Variants in RFPL1 observed in about 807,000 individuals in gnomAD.
The protein encoded by RFPL1 is ret finger protein like 1.
In RFPL1, 6 loss-of-function variants were observed where a neutral mutation model predicts 9.6. The ratio of observed to expected loss-of-function variants is 0.62; its 90% CI spans 0.34 to 1.23. RFPL1 has a LOEUF of 1.23. Ranked by LOEUF, RFPL1 falls within the 50% of genes most tolerant of loss-of-function variation. The pLI, the probability that RFPL1 is intolerant of heterozygous loss-of-function variation, is 0.03. For missense variants in RFPL1, 352 were observed against 398.4 expected, an observed-to-expected ratio of 0.88 and a Z score of 0.99; for synonymous variants, 145 against 149.4, an observed-to-expected ratio of 0.97 and a Z score of 0.22.
chr22:29,441,374 T>C (rs2062837931), intron 1 of RFPL1, 168 bp from the exon 2 acceptor site: 3 of 724,660 alleles, frequency 4.1e-6, no homozygotes, highest in African/African-American at 3.5e-5. Context: ...AGCATACCTA[T>C]GAGAATTTGA....
the RFPL1 span, among the ~76,000 whole-genome samples, chr22:29,425,124 G>A: frequency 0.14 from 20,607 of 148,788 alleles, 1,725 homozygotes; most frequent in South Asian, 0.18. Context: ...GAATGGCGTG[G>A]ACCCGGGAGG....
the RFPL1 span, among the ~76,000 whole-genome samples, chr22:29,389,015 C>CA: frequency 1.3e-5 from 2 of 152,284 alleles, no homozygotes; most frequent in East Asian, 3.9e-4. Context: ...CAGCTGGGAC[C>CA]ACAGGTGCGC....
chr22:29,392,032 T>C, the RFPL1 span, among the ~76,000 whole-genome samples: 1 of 152,174 alleles, frequency 6.6e-6, no homozygotes, highest in Non-Finnish European at 1.5e-5. Flanking sequence ...TCCTTTGGGT[T>C]GGAGGGACCA....
chr22:29,395,853 A>T, the RFPL1 span, among the ~76,000 whole-genome samples: 1 of 152,074 alleles, frequency 6.6e-6, no homozygotes, highest in Non-Finnish European at 1.5e-5. Context: ...AGTGCCTGTA[A>T]TCCCAACTAC....
At chr22:29,419,367 T>C in the RFPL1 span, 1 of 657,910 alleles carries the variant, frequency 1.5e-6, no homozygotes, top group Non-Finnish European at 2.7e-6. Flanking sequence ...AGACATCCTA[T>C]GCTGTTGGCT....
the RFPL1 span, chr22:29,423,099 A>G: frequency 2.2e-6 from 3 of 1,381,698 alleles, no homozygotes; most frequent in Non-Finnish European, 3.1e-6. Context: ...AGCGTAGGAC[A>G]AGGCCCATTA....
At chr22:29,425,979 T>G in the RFPL1 span, among the ~76,000 whole-genome samples, 2 of 152,138 alleles carry the variant, frequency 1.3e-5, no homozygotes, top group African/African-American at 4.8e-5. Flanking sequence ...ATGGAATATA[T>G]GGACTAATAG....
At chr22:29,421,199 C>G in the RFPL1 span, among the ~76,000 whole-genome samples, 1 of 152,132 alleles carries the variant, frequency 6.6e-6, no homozygotes, top group East Asian at 1.9e-4. Context: ...AAACCTGTTT[C>G]CTTGTCTCTT....
the RFPL1 span, among the ~76,000 whole-genome samples, chr22:29,397,521 A>G: frequency 6.6e-6 from 1 of 152,100 alleles, no homozygotes; most frequent in African/African-American, 2.4e-5. Flanking sequence ...AAGAAACTGC[A>G]GTTACCTGCC....
the RFPL1 span, among the ~76,000 whole-genome samples, chr22:29,391,047 C>G: frequency 6.6e-6 from 1 of 151,682 alleles, no homozygotes; most frequent in Non-Finnish European, 1.5e-5. Flanking sequence ...GAGGCTGAGG[C>G]AGGAGAATGG....
chr22:29,424,656 T>TAAAAAAAAA, the RFPL1 span, among the ~76,000 whole-genome samples: 2 of 121,832 alleles, frequency 1.6e-5, no homozygotes, highest in East Asian at 2.4e-4. Context: ...AAGGACAAAG[T>TAAAAAAAAA]AAAAAAAAAA....
the RFPL1 span, among the ~76,000 whole-genome samples, chr22:29,425,153 G>A: frequency 6.9e-6 from 1 of 145,804 alleles, no homozygotes; most frequent in Non-Finnish European, 1.5e-5. Flanking sequence ...GCAGTGAGCC[G>A]AGATTGCGCC....
At chr22:29,423,382 C>CTTTTA in the RFPL1 span, among the ~76,000 whole-genome samples, 1 of 134,434 alleles carries the variant, frequency 7.4e-6, no homozygotes, top group Non-Finnish European at 1.6e-5. Flanking sequence ...AATCTATCAA[C>CTTTTA]TTTTTTTTTT....
the RFPL1 span, among the ~76,000 whole-genome samples, chr22:29,430,050 T>C: frequency 2.0e-5 from 3 of 152,182 alleles, no homozygotes; most frequent in Admixed American, 2.0e-4. Context: ...CAGTATACTA[T>C]AGAAATATGA....
the RFPL1 span, among the ~76,000 whole-genome samples, chr22:29,415,155 C>T: frequency 1.3e-5 from 2 of 151,634 alleles, no homozygotes; most frequent in African/African-American, 2.4e-5. Flanking sequence ...TTCCCAAGAC[C>T]GGTCCTGTCA....
At chr22:29,441,779 A>G in exon 2 of RFPL1, 1 of 1,613,932 alleles carries the variant, frequency 6.2e-7, no homozygotes, top group Non-Finnish European at 8.5e-7. Context: ...GTTCACCGCA[A>G]AGGGAGGATC....
the RFPL1 span, among the ~76,000 whole-genome samples, chr22:29,412,266 T>C: frequency 3.9e-5 from 6 of 152,192 alleles, no homozygotes; most frequent in African/African-American, 1.4e-4. Flanking sequence ...GTTTTCATTT[T>C]TCACCTCTTC....
At chr22:29,436,168 C>G (rs1011381504), upstream of RFPL1, among the ~76,000 whole-genome samples, 1 of 151,554 alleles carries the variant, frequency 6.6e-6, no homozygotes, top group African/African-American at 2.4e-5. Flanking sequence ...GGGGAGAGGT[C>G]GGTAATTGGA....
upstream of RFPL1, chr22:29,438,199 T>TC (rs2062818163): frequency 6.6e-6 from 1 of 152,416 alleles, no homozygotes; most frequent in Admixed American, 6.7e-5. Flanking sequence ...TTTTTTTTTT[T>TC]TGAGATGGTG....
Sources: gnomAD v4.1 joint callset for allele counts (sites outside exome capture counted in the v4.1 genomes callset) on GRCh38, gnomAD v4.1.1 for gene constraint, MANE v1.5 for transcripts, NCBI Gene and HGNC (gene_info 2026-07-23, HGNC 2026-07-21) for gene names.